MYCBP2: variants seen among roughly 807,000 people sequenced by gnomAD.
MYCBP2 encodes E3 ubiquitin-protein ligase MYCBP2.
A neutral mutation model predicts 525.3 loss-of-function variants in MYCBP2; 120 were observed. The observed-to-expected ratio is 0.23, with a 90% CI of 0.20 to 0.27. The LOEUF (loss-of-function observed/expected upper bound fraction) is 0.27. Ranked by LOEUF, MYCBP2 falls within the 10% of genes least tolerant of loss-of-function variation. The pLI is 1.00. For missense variants in MYCBP2, 4,149 were observed against 5,657.1 expected (o/e 0.73, Z 8.55); for synonymous variants, 1,894 against 1,955.8 (o/e 0.97, Z 0.83).
intron 1 of MYCBP2, among the ~76,000 whole-genome samples, chr13:77,303,701 G>T (rs1026550666): frequency 1.9e-4 from 29 of 151,620 alleles, no homozygotes; most frequent in Non-Finnish European, 2.8e-4. Context: ...TAACAAAATC[G>T]GTAGAATGCT....
chr13:77,322,674 A>C (rs2081817694), intron 1 of MYCBP2, among the ~76,000 whole-genome samples: 2 of 152,366 alleles, frequency 1.3e-5, no homozygotes, highest in African/African-American at 4.8e-5. Flanking sequence ...ACAAAGTCTA[A>C]TTAACTTGCC....
At chr13:77,167,615 T>C (rs1388574964) in intron 40 of MYCBP2, among the ~76,000 whole-genome samples, 1 of 152,252 alleles carries the variant, frequency 6.6e-6, no homozygotes, top group African/African-American at 2.4e-5. Context: ...ATTTACATGA[T>C]GTTTGCAGAC....
chr13:77,233,229 GT>G lies in MYCBP2; in HGVS notation c.2663del (p.Asn888ThrfsTer7). The G allele has an allele frequency of 2.5e-6, 4 of 1,613,790 alleles. No homozygotes were observed. Among genetic ancestry groups the G allele is most frequent in the Non-Finnish European group, 3.4e-6 (4 of 1,179,814 alleles). ...PLVFAGPIFM[N>X]HREQALARLR... ...GTCTGGCTAGAGCCTGTTCTCGATG[GT>G]TCATAAAAATAGGACCAGCAAATAC... is the stretch of plus-strand genomic sequence containing the variant. On this transcript the variant is annotated frameshift_variant, in exon 18 of 83. Coordinates refer to ENST00000544440, the MANE Select transcript of MYCBP2 (RefSeq NM_015057.5). LOFTEE classifies it high-confidence loss of function.
intron 26 of MYCBP2, among the ~76,000 whole-genome samples, chr13:77,201,419 C>A (rs1471138987): frequency 6.6e-6 from 1 of 151,850 alleles, no homozygotes; most frequent in African/African-American, 2.4e-5. Flanking sequence ...TACAAAGAGA[C>A]TTAGACTCCC....
At chr13:77,179,296 T>C (rs992829362) in intron 34 of MYCBP2, among the ~76,000 whole-genome samples, 39 of 152,316 alleles carry the variant, frequency 2.6e-4, no homozygotes, top group Admixed American at 1.8e-3. Flanking sequence ...TATATGCTGA[T>C]TATTAAACAT....
chr13:77,080,510 T>G (rs2043117806), intron 65 of MYCBP2: 1 of 152,228 alleles, frequency 6.6e-6, no homozygotes. Flanking sequence ...TCTTTTTTCT[T>G]GTTTAGTGCC....
In MYCBP2 at chr13:77,249,995, G is replaced by A. The variant is rs867239467; in HGVS notation, c.2381+1156C>T. 5.9e-4 allele frequency among the ~76,000 whole-genome samples: 90 copies of A among 152,010 alleles called. 1 individual carries two copies. Among genetic ancestry groups the A allele is most frequent in the African/African-American group, 2.1e-3 (87 of 41,508 alleles). On this transcript the variant is annotated intron_variant, in intron 15 of 82. Coordinates refer to ENST00000544440, the MANE Select transcript of MYCBP2 (RefSeq NM_015057.5). Reference sequence around the variant, plus strand: ...TCCCAGCACTTTGGGAGGCCGAGGCGGGCGGATCACGAGGTCAGGAGATCG... The same window carrying A: ...TCCCAGCACTTTGGGAGGCCGAGGCAGGCGGATCACGAGGTCAGGAGATCG...
intron 52 of MYCBP2, among the ~76,000 whole-genome samples, chr13:77,132,024 C>T (rs753293749): frequency 1.3e-4 from 20 of 152,052 alleles, no homozygotes; most frequent in Non-Finnish European, 2.8e-4. Flanking sequence ...GATGAAATGA[C>T]TCAGGAAAAT....
At chr13:77,180,398 C>T in intron 33 of MYCBP2, 80 bp from the exon 34 acceptor site, 1 of 1,205,822 alleles carries the variant, frequency 8.3e-7, no homozygotes, top group Non-Finnish European at 1.2e-6. Context: ...CCTTGTCTTT[C>T]TGATACTCTT....
chr13:77,142,307 A>G (rs2054799077), intron 49 of MYCBP2, among the ~76,000 whole-genome samples: 1 of 152,204 alleles, frequency 6.6e-6, no homozygotes, highest in African/African-American at 2.4e-5. Context: ...CTTACCCAGG[A>G]AAATGTATGC....
At chr13:77,263,167 TAAGGCC>T (rs2073578989) in intron 10 of MYCBP2, among the ~76,000 whole-genome samples, 2 of 152,030 alleles carry the variant, frequency 1.3e-5, no homozygotes, top group Non-Finnish European at 2.9e-5. Context: ...GATCCGTGTG[TAAGGCC>T]AATTACCATT....
At chr13:77,203,515 T>TG (rs1256923490) in intron 26 of MYCBP2, among the ~76,000 whole-genome samples, 2 of 151,938 alleles carry the variant, frequency 1.3e-5, no homozygotes, top group South Asian at 4.2e-4. Flanking sequence ...AAGCTACCAA[T>TG]GACTTTCTTC....
intron 3 of MYCBP2, among the ~76,000 whole-genome samples, chr13:77,281,565 G>A (rs554515465): frequency 7.9e-5 from 12 of 152,110 alleles, no homozygotes; most frequent in African/African-American, 2.9e-4. Flanking sequence ...TACCTTTACT[G>A]CTGCTCTCAA....
intron 15 of MYCBP2, among the ~76,000 whole-genome samples, 165 bp from the exon 16 acceptor site, chr13:77,244,116 T>C (rs140609762): frequency 2.0e-5 from 3 of 152,288 alleles, no homozygotes; most frequent in Middle Eastern, 3.4e-3. Context: ...AGAAAAGATA[T>C]AAATAGCAGA....
intron 26 of MYCBP2, among the ~76,000 whole-genome samples, chr13:77,204,557 C>T (rs2154274315): frequency 9.4e-6 from 1 of 106,904 alleles, no homozygotes; most frequent in African/African-American, 3.7e-5. Flanking sequence ...GGTATATACC[C>T]AAAGGACTAT....
intron 1 of MYCBP2, among the ~76,000 whole-genome samples, chr13:77,300,620 C>T (rs11839714): frequency 2.3e-4 from 35 of 152,138 alleles, no homozygotes; most frequent in Middle Eastern, 3.2e-3. Flanking sequence ...GAAAAAAATG[C>T]TTTATAGCTA....
At chr13:77,224,746 C>T (rs1272276265) in intron 19 of MYCBP2, among the ~76,000 whole-genome samples, 1 of 152,044 alleles carries the variant, frequency 6.6e-6, no homozygotes. Flanking sequence ...TTTCATAATA[C>T]ACACTTAAAA....
chr13:77,248,030 T>C (rs1255893994), intron 15 of MYCBP2, among the ~76,000 whole-genome samples: 9 of 151,238 alleles, frequency 6.0e-5, no homozygotes, highest in Non-Finnish European at 8.8e-5. Context: ...TTAGGAGATA[T>C]ACCTAATGTT....
At position 77,190,330 on chromosome 13, in the gene MYCBP2, A is replaced by G. The variant is rs2061174918; in HGVS notation, c.4076T>C (p.Val1359Ala). 3.7e-6 allele frequency: 6 copies of G among 1,602,278 alleles called. No homozygotes were observed. The highest frequency in any genetic ancestry group is 5.1e-6 in the Non-Finnish European group (6 of 1,171,008). Reference protein sequence around the residue: ...QASITTDDGVVFQFKSSKKSN... With the variant: ...QASITTDDGVAFQFKSSKKSN... ...TTTCTTTGAACTCTTGAACTGGAAA[A>G]CAACCCTAAGAAGAGAAAACAATGA... is the stretch of plus-strand genomic sequence containing the variant. Residue 1359 changes from valine to alanine, a missense_variant, in exon 29 of 83, where the codon GTT (valine) becomes GCT (alanine). Val to Ala is a moderately conservative substitution (Grantham distance 64). This residue lies in a region of MYCBP2 where 620 missense variants were observed against 795.5 expected (regional missense o/e 0.78). Transcript: ENST00000544440.
Sources: allele counts gnomAD v4.1 joint callset (sites outside exome capture counted in the v4.1 genomes callset), GRCh38; gene constraint gnomAD v4.1.1; regional missense constraint gnomAD v4.1.1; transcripts MANE v1.5; gene names NCBI Gene and HGNC (gene_info 2026-07-23, HGNC 2026-07-21).